Variants in STK4 observed in about 807,000 individuals in gnomAD.
STK4 encodes the protein serine/threonine-protein kinase 4.
In STK4, 30 loss-of-function variants were observed where a neutral mutation model predicts 64.9. The ratio of observed to expected loss-of-function variants is 0.46; its 90% CI spans 0.35 to 0.63. The LOEUF (loss-of-function observed/expected upper bound fraction) is 0.63, where lower values mean the gene tolerates loss of function less well. STK4 is among the 20% of genes least tolerant of loss of function. The pLI is 0.01. For synonymous variants in STK4, 177 were observed against 199.0 expected (o/e 0.89, Z 0.93); for missense variants, 466 against 598.5 (o/e 0.78, Z 2.31).
At chr20:44,990,080 A>G (rs1242075764) in intron 5 of STK4, among the ~76,000 whole-genome samples, 3 of 152,216 alleles carry the variant, frequency 2.0e-5, no homozygotes, top group African/African-American at 7.2e-5. Flanking sequence ...TTCTGCAGAA[A>G]AGGCCGTTGG....
intron 10 of STK4, among the ~76,000 whole-genome samples, chr20:45,047,325 AAGAT>A (rs1391409701): frequency 4.6e-5 from 7 of 152,330 alleles, no homozygotes; most frequent in South Asian, 2.1e-4. Context: ...TGATTAATAA[AAGAT>A]AGACCATTAT....
At chr20:44,989,046 A>G (rs573205160) in intron 5 of STK4, among the ~76,000 whole-genome samples, 9 of 152,146 alleles carry the variant, frequency 5.9e-5, no homozygotes, top group African/African-American at 2.2e-4. Context: ...GAATATTTAG[A>G]TTGTTTCTGC....
At chr20:44,998,334 T>A (rs1025619623) in intron 7 of STK4, among the ~76,000 whole-genome samples, 3 of 152,190 alleles carry the variant, frequency 2.0e-5, no homozygotes, top group Non-Finnish European at 2.9e-5. Flanking sequence ...TTTGGTTTTG[T>A]GATCTGTGAA....
intron 9 of STK4, among the ~76,000 whole-genome samples, chr20:45,007,546 C>CAA (rs1390989727): frequency 6.7e-6 from 1 of 149,858 alleles, no homozygotes; most frequent in African/African-American, 2.5e-5. Context: ...GACTCCATCT[C>CAA]AAAAAACAAA....
intron 10 of STK4, among the ~76,000 whole-genome samples, chr20:45,035,814 C>T (rs537222539): frequency 3.3e-5 from 5 of 151,556 alleles, no homozygotes; most frequent in East Asian, 1.9e-4. Context: ...ATAGTCATTA[C>T]GCTTAGAGAG....
rs1456504231 is a variant in STK4 at position 45,075,314 on chromosome 20, G to C, written c.*138G>C. ...TTTGTGAACTCAGGAATGTGCGCCAGTGGGAAGGGCTCTCTTGACAGTCAG... is the reference window on the plus strand; with the variant it reads ...TTTGTGAACTCAGGAATGTGCGCCACTGGGAAGGGCTCTCTTGACAGTCAG... On this transcript the variant is annotated 3_prime_UTR_variant, in exon 11 of 11. Coordinates refer to ENST00000372806, the MANE Select transcript of STK4 (RefSeq NM_006282.5). 2.6e-6 allele frequency: 3 copies of C among 1,134,662 alleles called. No homozygotes were observed. Among genetic ancestry groups the C allele is most frequent in the African/African-American group, 3.1e-5 (2 of 64,274 alleles). 70.3% of individuals were successfully genotyped at this position (1,134,662 alleles called of 1,614,324 possible).
chr20:44,994,108 ATTC>A (rs2067685262), intron 5 of STK4, among the ~76,000 whole-genome samples: 1 of 152,014 alleles, frequency 6.6e-6, no homozygotes, highest in Non-Finnish European at 1.5e-5. Flanking sequence ...GTATCCACAT[ATTC>A]TTCTTTAGCC....
intron 4 of STK4, among the ~76,000 whole-genome samples, chr20:44,983,764 G>T (rs1187624201): frequency 6.6e-6 from 1 of 152,056 alleles, no homozygotes; most frequent in South Asian, 2.1e-4. Flanking sequence ...TTGCAAAGTT[G>T]GGAAAATTAA....
intron 2 of STK4, among the ~76,000 whole-genome samples, chr20:44,977,276 A>G (rs534029372): frequency 2.6e-5 from 4 of 152,382 alleles, no homozygotes; most frequent in South Asian, 4.1e-4. Context: ...TGTGCTCTGC[A>G]TAGACTTAAA....
intron 10 of STK4, among the ~76,000 whole-genome samples, chr20:45,057,942 T>C (rs984652908): frequency 2.6e-5 from 4 of 152,172 alleles, no homozygotes; most frequent in African/African-American, 9.7e-5. Context: ...ATTTAGGCTA[T>C]ATACATACTA....
intron 10 of STK4, among the ~76,000 whole-genome samples, chr20:45,033,831 C>T (rs376163772): frequency 6.6e-6 from 1 of 152,228 alleles, no homozygotes; most frequent in African/African-American, 2.4e-5. Context: ...CTACCCACCT[C>T]GGCCTTTCAA....
chr20:45,057,683 C>T (rs978549292), intron 10 of STK4, among the ~76,000 whole-genome samples: 1 of 152,160 alleles, frequency 6.6e-6, no homozygotes, highest in African/African-American at 2.4e-5. Flanking sequence ...TTAGGAAGCA[C>T]ATTTTAAAGA....
rs182896724 is a variant in STK4 at position 45,012,764 on chromosome 20, T to C, written c.1147+11411T>C. ...GAATTATGATTATAGTTTTTCCTTTTGATCTTTATATATAATCTTCTTCTT... is the reference window on the plus strand; with the variant it reads ...GAATTATGATTATAGTTTTTCCTTTCGATCTTTATATATAATCTTCTTCTT... On this transcript the variant is annotated intron_variant, in intron 9 of 10. Transcript: ENST00000372806. Among the ~76,000 whole-genome samples, 306 of 150,824 alleles carry C rather than the reference T, an allele frequency of 2.0e-3. 3 individuals are homozygous for C. Among genetic ancestry groups the C allele is most frequent in the Admixed American group, 3.8e-3 (57 of 15,162 alleles).
At chr20:44,990,535 A>G (rs150500817) in intron 5 of STK4, among the ~76,000 whole-genome samples, 21 of 152,282 alleles carry the variant, frequency 1.4e-4, no homozygotes, top group Non-Finnish European at 2.2e-4. Flanking sequence ...AACCTCCAGT[A>G]CTACTAAGTT....
At chr20:45,012,844 C>T (rs1415536921) in intron 9 of STK4, among the ~76,000 whole-genome samples, 4 of 142,092 alleles carry the variant, frequency 2.8e-5, no homozygotes, top group Admixed American at 7.2e-5. Flanking sequence ...AATGCAGTGG[C>T]GCGATCCTAG....
rs1408096998 is a variant in STK4, at chr20:44,972,059, T to C, written c.36-19T>C. ...TAGCAAATAAAATGTATTTTGTGTT[T>C]ATATTTCTTTATTCACAGGCAGCTG... On this transcript the variant is annotated intron_variant, in intron 1 of 10. Transcript: ENST00000372806. 2 of 1,607,884 alleles carry C rather than the reference T, an allele frequency of 1.2e-6. No individual in the cohort carries two copies. Among genetic ancestry groups the C allele is most frequent in the African/African-American group, 2.7e-5 (2 of 74,660 alleles).
chr20:45,036,872 C>A (rs2068536692), intron 10 of STK4, among the ~76,000 whole-genome samples: 2 of 152,106 alleles, frequency 1.3e-5, no homozygotes, highest in Non-Finnish European at 2.9e-5. Context: ...CAGAATGTAT[C>A]TCCTGTGGAT....
intron 9 of STK4, among the ~76,000 whole-genome samples, chr20:45,023,844 A>G (rs1165439891): frequency 6.0e-5 from 9 of 150,308 alleles, no homozygotes; most frequent in Non-Finnish European, 1.3e-4. Context: ...CTGGGCACAT[A>G]TAATTCTTTT....
chr20:45,029,034 G>T (rs2068400687), intron 10 of STK4, among the ~76,000 whole-genome samples: 1 of 152,132 alleles, frequency 6.6e-6, no homozygotes, highest in African/African-American at 2.4e-5. Context: ...GCAGCAACCA[G>T]CTCACAGACC....
Sources: allele counts gnomAD v4.1 joint callset (sites outside exome capture counted in the v4.1 genomes callset), GRCh38; gene constraint gnomAD v4.1.1; transcripts MANE v1.5; gene names NCBI Gene and HGNC (gene_info 2026-07-23, HGNC 2026-07-21).